Variants in INVS observed in about 807,000 individuals in gnomAD.
The protein encoded by INVS is inversion of embryo turning homolog.
Under a neutral mutation model 108.8 loss-of-function variants are expected in INVS, and 86 were observed. The observed-to-expected ratio is 0.79, with a 90% CI of 0.66 to 0.95. The LOEUF (loss-of-function observed/expected upper bound fraction) is 0.95. Among genes scored for constraint, INVS ranks in the 40% least tolerant of loss-of-function variants. INVS has a pLI of 0.00. For missense variants in INVS, 1,169 were observed against 1,297.4 expected (o/e 0.90, Z 1.52); for synonymous variants, 455 against 473.5 (o/e 0.96, Z 0.51).
At chr9:100,193,553 T>C (rs1190471407) in intron 3 of INVS, among the ~76,000 whole-genome samples, 1 of 152,146 alleles carries the variant, frequency 6.6e-6, no homozygotes, top group African/African-American at 2.4e-5. Context: ...CTTCAAAAGT[T>C]TCCTCATGAC....
chr9:100,292,311 CTT>C lies in INVS; in HGVS notation c.2069-13_2069-12del, dbSNP rs1269485671. The C allele has an allele frequency of 1.2e-6, 2 of 1,608,464 alleles. No homozygotes were observed. The highest frequency in any genetic ancestry group is 2.7e-5 in the African/African-American group (2 of 74,760). ...CTGCAAGTTTTGGACAATATTTTTT[CTT>C]TGTTTCCTCAAGAAACAGCCAGAGA... On this transcript the variant is annotated splice_polypyrimidine_tract_variant and intron_variant, in intron 13 of 16. Coordinates refer to ENST00000262457, the MANE Select transcript of INVS (RefSeq NM_014425.5).
chr9:100,292,447 T>C lies in INVS; in HGVS notation c.2190T>C (p.Ala730=), dbSNP rs753388736. 1 of 1,614,014 alleles carries C rather than the reference T, an allele frequency of 6.2e-7. No individual in the cohort carries two copies. Among genetic ancestry groups the C allele is most frequent in the African/African-American group, 1.3e-5 (1 of 74,900 alleles). Residue 730 remains alanine (A), a synonymous_variant, in exon 14 of 17, where the codon GCT becomes GCC. Coordinates refer to ENST00000262457, the MANE Select transcript of INVS (RefSeq NM_014425.5). ...PSVEKSRGET[A]GDERCAKGKG... ...TTGAGAAGTCCAGAGGTGAGACAGC[T>C]GGCGATGAGCGGTGTGCAAAGGGGA...
intron 3 of INVS, among the ~76,000 whole-genome samples, chr9:100,163,568 A>T (rs1829261958): frequency 6.6e-6 from 1 of 152,226 alleles, no homozygotes; most frequent in Non-Finnish European, 1.5e-5. Context: ...ACATTTTTAA[A>T]GTATATATTA....
chr9:100,103,470 A>C (rs928680465), intron 1 of INVS, among the ~76,000 whole-genome samples: 1 of 152,006 alleles, frequency 6.6e-6, no homozygotes, highest in East Asian at 2.0e-4. Context: ...CTACTAAAAA[A>C]TACAAAACTT....
At chr9:100,122,359 T>C (rs1399731844) in intron 2 of INVS, among the ~76,000 whole-genome samples, 1 of 152,148 alleles carries the variant, frequency 6.6e-6, no homozygotes, top group Non-Finnish European at 1.5e-5. Flanking sequence ...TGTGATTTAG[T>C]ATGTATACAT....
chr9:100,277,462 A>C lies in INVS; in HGVS notation c.1784+4386A>C, dbSNP rs544865465. Among the ~76,000 whole-genome samples the C allele has an allele frequency of 7.2e-5, 11 of 152,278 alleles. No homozygotes were observed. In the East Asian group the frequency reaches 1.7e-3, roughly 24 times the overall value. On this transcript the variant is annotated intron_variant, in intron 12 of 16. Coordinates refer to ENST00000262457, the MANE Select transcript of INVS (RefSeq NM_014425.5). ...CCACTTCTCTGAGCCTCAGATTTTC[A>C]TCAGTAAAATGGAAAGAGGTTTTCT... is the stretch of plus-strand genomic sequence containing the variant.
At chr9:100,268,883 A>G (rs185811151) in intron 11 of INVS, among the ~76,000 whole-genome samples, 1 of 152,314 alleles carries the variant, frequency 6.6e-6, no homozygotes, top group Non-Finnish European at 1.5e-5. Flanking sequence ...TCTTTAGGGT[A>G]TATTAAGCTA....
chr9:100,291,156 C>T (rs368797371), intron 13 of INVS, among the ~76,000 whole-genome samples: 11 of 152,048 alleles, frequency 7.2e-5, no homozygotes, highest in Non-Finnish European at 8.8e-5. Context: ...CTCTGCCTCC[C>T]GAGTTCAAGC....
intron 5 of INVS, among the ~76,000 whole-genome samples, chr9:100,237,019 GA>G (rs964642109): frequency 1.7e-4 from 26 of 152,322 alleles, no homozygotes; most frequent in African/African-American, 5.5e-4. Flanking sequence ...ATAAGCCCCT[GA>G]CAGGAACTGC....
chr9:100,257,578 C>G (rs1403294700), intron 10 of INVS, among the ~76,000 whole-genome samples: 1 of 152,164 alleles, frequency 6.6e-6, no homozygotes, highest in South Asian at 2.1e-4. Context: ...CTGCTTCCTT[C>G]AGGAACTCTT....
At chr9:100,289,535 T>C (rs1356905262) in intron 13 of INVS, among the ~76,000 whole-genome samples, 1 of 152,250 alleles carries the variant, frequency 6.6e-6, no homozygotes, top group Non-Finnish European at 1.5e-5. Context: ...CAGTTCCTCT[T>C]CTCGATCACC....
rs1235714487 is a variant in INVS at position 100,138,406 on chromosome 9, CA to C, written c.273+11866del. On this transcript the variant is annotated intron_variant, in intron 3 of 16. Transcript: ENST00000262457. ...GGGTGACAAGAGCGAAATTCCGTCT[CA>C]AAAAAAAATTTTATATATATATATA... 2.7e-5 allele frequency among the ~76,000 whole-genome samples: 4 copies of C among 150,702 alleles called. No homozygotes were observed. The East Asian group carries it at 5.8e-4, about 22-fold the overall frequency.
chr9:100,117,675 C>A (rs1343189501), intron 2 of INVS: 2 of 591,288 alleles, frequency 3.4e-6, no homozygotes, highest in Non-Finnish European at 6.0e-6. Flanking sequence ...GGAGAAGAAG[C>A]AGTTATAGGT....
At chr9:100,252,861 A>G in intron 9 of INVS, 46 bp from the exon 10 acceptor site, 1 of 1,359,200 alleles carries the variant, frequency 7.4e-7, no homozygotes, top group Non-Finnish European at 1.0e-6. Flanking sequence ...CATTTTAATA[A>G]AAGCTATTTA....
chr9:100,242,769 A>G, intron 7 of INVS, 90 bp downstream of exon 7: 2 of 791,930 alleles, frequency 2.5e-6, no homozygotes, highest in Middle Eastern at 2.7e-4. Flanking sequence ...AGGAAATAAT[A>G]CAACAAGATT....
At chr9:100,234,350 A>G (rs1273875411) in intron 5 of INVS, among the ~76,000 whole-genome samples, 2 of 151,914 alleles carry the variant, frequency 1.3e-5, no homozygotes, top group African/African-American at 4.8e-5. Context: ...AGGATTTCTC[A>G]TGTTTCTGTC....
At chr9:100,163,930 C>CAA (rs1829273956) in intron 3 of INVS, among the ~76,000 whole-genome samples, 1 of 105,854 alleles carries the variant, frequency 9.4e-6, no homozygotes, top group African/African-American at 6.0e-5. Context: ...AGTGTTTGAG[C>CAA]ACAGAAAATA....
chr9:100,266,155 A>G (rs950227250), intron 11 of INVS, among the ~76,000 whole-genome samples: 7 of 152,170 alleles, frequency 4.6e-5, no homozygotes, highest in Admixed American at 6.5e-5. Context: ...GAAGATTCTT[A>G]TAATTTGTAG....
intron 3 of INVS, among the ~76,000 whole-genome samples, chr9:100,188,829 G>T (rs1289401838): frequency 6.6e-6 from 1 of 151,710 alleles, no homozygotes; most frequent in East Asian, 1.9e-4. Flanking sequence ...GGCGTTTTTT[G>T]TTGTTGTTGT....
Sources: gnomAD v4.1 joint callset for allele counts (sites outside exome capture counted in the v4.1 genomes callset) on GRCh38, gnomAD v4.1.1 for gene constraint, MANE v1.5 for transcripts, NCBI Gene and HGNC (gene_info 2026-07-23, HGNC 2026-07-21) for gene names.